SMOC2: variants seen among roughly 807,000 people sequenced by gnomAD.
SMOC2 encodes the protein SPARC related modular calcium binding 2, also known as SPARC-related modular calcium-binding protein 2.
A neutral mutation model predicts 61.4 loss-of-function variants in SMOC2; 39 were observed. The ratio of observed to expected loss-of-function variants is 0.64; its 90% CI spans 0.49 to 0.83. The LOEUF (loss-of-function observed/expected upper bound fraction) is 0.83. SMOC2 is among the 40% of genes least tolerant of loss of function. The pLI is 0.00. For missense variants in SMOC2, 556 were observed against 592.9 expected, an observed-to-expected ratio of 0.94 and a Z score of 0.65; for synonymous variants, 247 against 239.9, an observed-to-expected ratio of 1.03 and a Z score of -0.27.
intron 9 of SMOC2, among the ~76,000 whole-genome samples, chr6:168,614,367 A>G (rs1175491426): frequency 3.4e-5 from 3 of 87,052 alleles, no homozygotes; most frequent in South Asian, 4.7e-4. Flanking sequence ...ACCTACAGCC[A>G]GCACAGGGCC....
intron 4 of SMOC2, among the ~76,000 whole-genome samples, chr6:168,531,036 C>A (rs1423013650): frequency 6.6e-6 from 1 of 152,140 alleles, no homozygotes; most frequent in Admixed American, 6.5e-5. Context: ...CTCCTGAGTC[C>A]ACGGAGCCCC....
intron 7 of SMOC2, among the ~76,000 whole-genome samples, chr6:168,584,794 C>T (rs533179169): frequency 2.5e-4 from 38 of 152,250 alleles, no homozygotes; most frequent in Non-Finnish European, 2.9e-4. Context: ...GATGCACAGA[C>T]GGCCGTGCAC....
chr6:168,507,821 G>A (rs1349158131), intron 1 of SMOC2, among the ~76,000 whole-genome samples: 1 of 152,230 alleles, frequency 6.6e-6, no homozygotes, highest in East Asian at 1.9e-4. Flanking sequence ...CTTATTCTCA[G>A]GAAAATTAGA....
intron 7 of SMOC2, among the ~76,000 whole-genome samples, chr6:168,569,998 G>T (rs1440234537): frequency 1.3e-5 from 2 of 152,158 alleles, no homozygotes; most frequent in African/African-American, 2.4e-5. Flanking sequence ...TTTACACGTA[G>T]CTCTGTGGTA....
Position 168,637,764 on chromosome 6 carries a change from T to C in SMOC2, c.908-12917T>C, listed in dbSNP as rs540643896. ...CAAACAAAACTGCAAAACCAGTGCC[T>C]GAGACCTTGAGAGGAGAGAAGGATT... is the stretch of plus-strand genomic sequence containing the variant. On this transcript the variant is annotated intron_variant, in intron 9 of 12. Coordinates refer to ENST00000356284, the MANE Select transcript of SMOC2 (RefSeq NM_001166412.2). Among the ~76,000 whole-genome samples, 7 of 152,334 alleles carry C rather than the reference T, an allele frequency of 4.6e-5. No individual in the cohort carries two copies. In the East Asian group the frequency reaches 1.4e-3, roughly 29 times the overall value.
In SMOC2 at chr6:168,523,079, A is replaced by ATTTTTTTTTTTT. The variant is rs1554287070; in HGVS notation, c.257-3258_257-3247dup. 2.2e-4 allele frequency among the ~76,000 whole-genome samples: 21 copies of ATTTTTTTTTTTT among 93,650 alleles called. 2 individuals are homozygous for ATTTTTTTTTTTT. Among genetic ancestry groups the ATTTTTTTTTTTT allele is most frequent in the African/African-American group, 4.6e-4 (14 of 30,112 alleles). The allele number at this position is 93,650 out of a possible 152,430, so 61.4% of individuals were successfully genotyped here. ...TTATGTTATTTGTAGTTGTACAGTA[A>ATTTTTTTTTTTT]TTTTTTTTTTTTTTTTTTTTGAGAC... On this transcript the variant is annotated intron_variant, in intron 2 of 12. Coordinates refer to ENST00000356284, the MANE Select transcript of SMOC2 (RefSeq NM_001166412.2).
At chr6:168,614,490 C>T (rs1159630345) in intron 9 of SMOC2, among the ~76,000 whole-genome samples, 2 of 42,144 alleles carry the variant, frequency 4.7e-5, no homozygotes, top group Non-Finnish European at 9.2e-5. Flanking sequence ...CAGCACAGGG[C>T]CTCTTCACAC....
In SMOC2 at chr6:168,510,340, T is replaced by A. The variant is rs4708744; in HGVS notation, c.256+254T>A. Among the ~76,000 whole-genome samples the A allele has an allele frequency of 0.19, 28,271 of 152,198 alleles. 2,853 individuals carry two copies. Among genetic ancestry groups the A allele is most frequent in the Admixed American group, 0.3 (4,521 of 15,282 alleles). ...AATTTATCCAAATATTTCAGTTTTT[T>A]TCCCCAAAGTCTTCTAAAATTATTC... is the stretch of plus-strand genomic sequence containing the variant. On this transcript the variant is annotated intron_variant, in intron 2 of 12. Transcript: ENST00000356284.
intron 1 of SMOC2, 40 bp downstream of exon 1, chr6:168,441,494 C>T: frequency 6.8e-7 from 1 of 1,462,640 alleles, no homozygotes. Flanking sequence ...CAAGTGGTGC[C>T]GCCTCTTGCA....
intron 4 of SMOC2, among the ~76,000 whole-genome samples, chr6:168,533,755 A>C (rs531430983): frequency 2.6e-5 from 4 of 151,286 alleles, no homozygotes; most frequent in African/African-American, 9.8e-5. Context: ...AAAGTTATTA[A>C]AGTAAAATAT....
intron 9 of SMOC2, among the ~76,000 whole-genome samples, chr6:168,617,320 G>A (rs535175047): frequency 3.3e-5 from 5 of 152,184 alleles, no homozygotes; most frequent in Admixed American, 6.5e-5. Context: ...CGCTTTTTCT[G>A]TTTATTAATT....
chr6:168,596,380 A>G (rs1015713257), intron 7 of SMOC2, among the ~76,000 whole-genome samples: 3 of 148,532 alleles, frequency 2.0e-5, no homozygotes, highest in African/African-American at 7.5e-5. Context: ...GCTGCTGGAG[A>G]GGAATGAACA....
chr6:168,489,204 A>C (rs1481547863), intron 1 of SMOC2, among the ~76,000 whole-genome samples: 3 of 151,114 alleles, frequency 2.0e-5, no homozygotes, highest in African/African-American at 7.3e-5. Flanking sequence ...TTTTAGAATG[A>C]AATATATCAA....
chr6:168,616,087 G>C (rs1351346249), intron 9 of SMOC2, among the ~76,000 whole-genome samples: 1 of 152,156 alleles, frequency 6.6e-6, no homozygotes, highest in South Asian at 2.1e-4. Flanking sequence ...ACCTCGCTTG[G>C]TGGCCTTTGA....
intron 1 of SMOC2, among the ~76,000 whole-genome samples, chr6:168,461,863 A>G (rs1781725811): frequency 6.6e-6 from 1 of 152,026 alleles, no homozygotes; most frequent in Non-Finnish European, 1.5e-5. Context: ...CAGGGCTGCT[A>G]TTATTTGAGA....
At chr6:168,519,035 ATG>A (rs373462034) in intron 2 of SMOC2, among the ~76,000 whole-genome samples, 166 of 36,046 alleles carry the variant, frequency 4.6e-3, no homozygotes, top group African/African-American at 7.8e-3. Flanking sequence ...ATGTGTGTGT[ATG>A]TGTGCATGTG....
At chr6:168,568,332 G>GA (rs1360837312) in intron 7 of SMOC2, among the ~76,000 whole-genome samples, 2 of 152,180 alleles carry the variant, frequency 1.3e-5, no homozygotes, top group African/African-American at 4.8e-5. Context: ...TACTTTTAGA[G>GA]AAAAAAATTA....
At chr6:168,631,439 A>G (rs1403623334) in intron 9 of SMOC2, among the ~76,000 whole-genome samples, 2 of 152,324 alleles carry the variant, frequency 1.3e-5, no homozygotes, top group African/African-American at 2.4e-5. Flanking sequence ...GGACTAGGCA[A>G]TGAGTGTTCC....
At chr6:168,575,280 A>G (rs990171111) in intron 7 of SMOC2, among the ~76,000 whole-genome samples, 27 of 152,250 alleles carry the variant, frequency 1.8e-4, no homozygotes, top group African/African-American at 6.5e-4. Context: ...TGAGCACTCA[A>G]CATGCATTTC....
Sources: gnomAD v4.1 joint callset for allele counts (sites outside exome capture counted in the v4.1 genomes callset) on GRCh38, gnomAD v4.1.1 for gene constraint, MANE v1.5 for transcripts, NCBI Gene and HGNC (gene_info 2026-07-23, HGNC 2026-07-21) for gene names.